The following KIAA1217 variants were observed in gnomAD, a reference collection of about 807,000 sequenced individuals.
KIAA1217 encodes sickle tail protein homolog.
In KIAA1217, 88 loss-of-function variants were observed where a neutral mutation model predicts 163.9. The observed-to-expected ratio is 0.54, with a 90% confidence interval of 0.45 to 0.64. KIAA1217 has a LOEUF of 0.64. KIAA1217 is among the 30% of genes least tolerant of loss of function. KIAA1217 has a pLI of 0.00. For missense variants in KIAA1217, 2,372 were observed against 2,475.0 expected, an observed-to-expected ratio of 0.96 and a Z score of 0.88; for synonymous variants, 903 against 923.1, an observed-to-expected ratio of 0.98 and a Z score of 0.39.
intron 12 of KIAA1217, among the ~76,000 whole-genome samples, chr10:24,523,791 G>A (rs897432006): frequency 2.3e-4 from 35 of 152,132 alleles, no homozygotes; most frequent in African/African-American, 7.7e-4. Flanking sequence ...TCATGGGTGG[G>A]GAGGGACATA....
chr10:24,280,367 T>A (rs2077767847), intron 2 of KIAA1217, among the ~76,000 whole-genome samples: 1 of 152,132 alleles, frequency 6.6e-6, no homozygotes, highest in Admixed American at 6.6e-5. Flanking sequence ...TAATCTGGAG[T>A]ACACACAGGT....
intron 1 of KIAA1217, among the ~76,000 whole-genome samples, chr10:23,789,164 GTT>G (rs1034549638): frequency 6.8e-6 from 1 of 146,098 alleles, no homozygotes; most frequent in African/African-American, 2.4e-5. Flanking sequence ...TTTTATTAAG[GTT>G]TTTTTGTAGT....
chr10:24,547,570 T>G lies in KIAA1217; in HGVS notation c.*1246T>G, dbSNP rs1488936872. ...TACCGAGTTAAATGTTTTTCCGCTT[T>G]GAGGGATGTAACCACATCCACTCAG... On this transcript the variant is annotated 3_prime_UTR_variant, in exon 21 of 21. Coordinates refer to ENST00000376454, the MANE Select transcript of KIAA1217 (RefSeq NM_019590.5). 1.3e-5 allele frequency: 2 copies of G among 152,230 alleles called. No homozygotes were observed. The highest frequency in any genetic ancestry group is 4.8e-5 in the African/African-American group (2 of 41,458). The allele number at this position is 152,230 out of a possible 1,614,324, so 9.4% of individuals were successfully genotyped here. A position where few individuals can be genotyped will look rare whatever the true frequency, so the allele number is the denominator to read the frequency against.
chr10:24,145,541 T>A (rs991857617), intron 2 of KIAA1217, among the ~76,000 whole-genome samples: 4 of 152,178 alleles, frequency 2.6e-5, no homozygotes, highest in African/African-American at 9.7e-5. Context: ...GGGACAGAAC[T>A]AATAGGATAG....
At position 23,787,337 on chromosome 10, in the gene KIAA1217, G is replaced by A. The variant is rs1438659830; in HGVS notation, c.-321+92103G>A. Among the ~76,000 whole-genome samples the A allele has an allele frequency of 4.6e-5, 7 of 152,264 alleles. No individual in the cohort carries two copies. In the East Asian group the frequency reaches 1.2e-3, roughly 25 times the overall value. On this transcript the variant is annotated intron_variant, in intron 1 of 18. Transcript: ENST00000376462. The stretch of plus-strand genomic sequence containing the variant: ...AATTACTGGTTACCTGCTATGGCTG[G>A]TATGAGGCTAGGTATTGGGTATATA...
At chr10:24,346,342 G>T (rs1311784231) in intron 2 of KIAA1217, among the ~76,000 whole-genome samples, 1 of 151,758 alleles carries the variant, frequency 6.6e-6, no homozygotes, top group East Asian at 2.0e-4. Context: ...CATGGTGGCG[G>T]GCACCTGCAG....
chr10:24,496,412 C>T (rs1310253782), intron 8 of KIAA1217, among the ~76,000 whole-genome samples: 1 of 152,210 alleles, frequency 6.6e-6, no homozygotes, highest in Non-Finnish European at 1.5e-5. Context: ...GGATTGTAAA[C>T]TTAGGGAGAA....
In KIAA1217 at chr10:24,070,877, T is replaced by C. The variant is rs558917854; in HGVS notation, c.-171+63503T>C. ...ATCATTGTTTTATATTCAGAACATG[T>C]ATATGGATCACTAAAAGCTTGTCTC... On this transcript the variant is annotated intron_variant, in intron 2 of 18. Transcript: ENST00000376462. Among the ~76,000 whole-genome samples, 13 of 152,288 alleles carry C rather than the reference T, an allele frequency of 8.5e-5. No homozygotes were observed. In the East Asian group the frequency reaches 1.9e-3, roughly 23 times the overall value.
intron 2 of KIAA1217, among the ~76,000 whole-genome samples, chr10:24,267,635 A>G (rs1230762352): frequency 6.6e-6 from 1 of 152,178 alleles, no homozygotes; most frequent in Non-Finnish European, 1.5e-5. Context: ...ATTTGAGTTG[A>G]TCCTAAGAGA....
At chr10:24,402,811 G>T (rs184305114) in intron 3 of KIAA1217, among the ~76,000 whole-genome samples, 1 of 152,094 alleles carries the variant, frequency 6.6e-6, no homozygotes, top group East Asian at 1.9e-4. Context: ...TTTCCTTTCA[G>T]TCTGTAGCTT....
chr10:24,067,416 C>G (rs1193030753), intron 2 of KIAA1217, among the ~76,000 whole-genome samples: 4 of 152,158 alleles, frequency 2.6e-5, no homozygotes, highest in South Asian at 2.1e-4. Flanking sequence ...CACTCCAGAC[C>G]CTGTTTGCCT....
At chr10:24,520,627 C>CAAAAAAAAAAAAA (rs71472812) in intron 11 of KIAA1217, among the ~76,000 whole-genome samples, 4 of 44,942 alleles carry the variant, frequency 8.9e-5, no homozygotes, top group Non-Finnish European at 3.3e-5. Flanking sequence ...ACATCTCTAC[C>CAAAAAAAAAAAAA]AAAAAAAAAA....
chr10:23,795,507 G>A (rs1836157758), intron 1 of KIAA1217, among the ~76,000 whole-genome samples: 1 of 152,178 alleles, frequency 6.6e-6, no homozygotes, highest in South Asian at 2.1e-4. Flanking sequence ...GCTTTTAAAG[G>A]CAGGGTACAT....
chr10:23,944,831 G>T (rs1322322080), intron 1 of KIAA1217, among the ~76,000 whole-genome samples: 2 of 152,064 alleles, frequency 1.3e-5, no homozygotes, highest in Non-Finnish European at 2.9e-5. Flanking sequence ...GGCCAAGGTG[G>T]GTGGATCACC....
intron 5 of KIAA1217, among the ~76,000 whole-genome samples, 182 bp from the exon 6 acceptor site, chr10:24,473,046 T>C (rs1249991903): frequency 6.6e-6 from 1 of 152,202 alleles, no homozygotes; most frequent in Non-Finnish European, 1.5e-5. Context: ...AGATCTCCCA[T>C]CTCACCATCC....
At position 24,520,258 on chromosome 10, in the gene KIAA1217, A is replaced by G; in HGVS notation, c.2308+5A>G. 6.2e-7 allele frequency: 1 copy of G among 1,613,744 alleles called. No individual in the cohort carries two copies. The highest frequency in any genetic ancestry group is 1.3e-5 in the African/African-American group (1 of 74,976). Reference sequence around the variant, plus strand: ...AGGCTGTAGCTACCCTGAAAGGTAAACTTTCTGCTGGGTCGGGGGAGGAGT... The same window carrying G: ...AGGCTGTAGCTACCCTGAAAGGTAAGCTTTCTGCTGGGTCGGGGGAGGAGT... On this transcript the variant is annotated splice_donor_5th_base_variant and intron_variant, in intron 11 of 20. Transcript: ENST00000376454.
At chr10:24,180,103 T>C (rs2131946528) in intron 2 of KIAA1217, among the ~76,000 whole-genome samples, 1 of 152,176 alleles carries the variant, frequency 6.6e-6, no homozygotes, top group East Asian at 1.9e-4. Flanking sequence ...AAAATAGGGG[T>C]GGCAGAGAGT....
At chr10:23,942,686 A>C (rs1843830535) in intron 1 of KIAA1217, among the ~76,000 whole-genome samples, 1 of 144,678 alleles carries the variant, frequency 6.9e-6, no homozygotes, top group Non-Finnish European at 1.6e-5. Flanking sequence ...GATGTCAAAC[A>C]CAAAATTCTG....
rs78184665 is a variant in KIAA1217 at position 24,284,885 on chromosome 10, C to T, written c.354+64976C>T. 9.5e-3 allele frequency among the ~76,000 whole-genome samples: 1,445 copies of T among 152,276 alleles called. 28 individuals are homozygous for T. The highest frequency in any genetic ancestry group is 0.084 in the East Asian group (435 of 5,186). ...GTATATGAGTGTTCCCTTTTTTCCACAGCTTCGCCAACTTGTTACTTTTTG... is the reference window on the plus strand; with the variant it reads ...GTATATGAGTGTTCCCTTTTTTCCATAGCTTCGCCAACTTGTTACTTTTTG... On this transcript the variant is annotated intron_variant, in intron 2 of 20. Transcript: ENST00000376454.
Sources: allele counts gnomAD v4.1 joint callset (sites outside exome capture counted in the v4.1 genomes callset), GRCh38; gene constraint gnomAD v4.1.1; transcripts MANE v1.5; gene names NCBI Gene and HGNC (gene_info 2026-07-23, HGNC 2026-07-21).